The following ZNF677 variants were observed in gnomAD, a reference collection of about 807,000 sequenced individuals.
ZNF677 encodes the protein zinc finger protein 677, also known as hypothetical protein MGC48625.
In ZNF677, 5 loss-of-function variants were observed where a neutral mutation model predicts 8.1. The observed-to-expected ratio is 0.62, with a 90% CI of 0.32 to 1.29. ZNF677 has a LOEUF of 1.29. Ranked by LOEUF, ZNF677 falls within the 50% of genes most tolerant of loss-of-function variation. The pLI, the probability that ZNF677 is intolerant of heterozygous loss-of-function variation, is 0.05. For missense variants in ZNF677, 685 were observed against 685.9 expected (o/e 1.00, Z 0.01); for synonymous variants, 221 against 225.6 (o/e 0.98, Z 0.18).
At chr19:53,242,231 C>A in intron 4 of ZNF677, 1 of 398,264 alleles carries the variant, frequency 2.5e-6, no homozygotes, top group South Asian at 1.3e-4. Flanking sequence ...CACGCCCATC[C>A]GGAATGTGTA....
rs1469671836 is a variant in ZNF677 at position 53,235,506 on chromosome 19, C to G, written c.*1466G>C. 6.6e-6 allele frequency: 1 copy of G among 152,198 alleles called. No homozygotes were observed. Among genetic ancestry groups the G allele is most frequent in the Non-Finnish European group, 1.5e-5 (1 of 68,020 alleles). The allele number at this position is 152,198 out of a possible 1,614,324, so 9.4% of individuals were successfully genotyped here. A position where few individuals can be genotyped will look rare whatever the true frequency, so the allele number is the denominator to read the frequency against. ...GTGAATCCCCTATAAGAACACTACTCTGGTTCTTTTGATGGAACTGTCCTC... is the reference window on the plus strand; with the variant it reads ...GTGAATCCCCTATAAGAACACTACTGTGGTTCTTTTGATGGAACTGTCCTC... On this transcript the variant is annotated 3_prime_UTR_variant, in exon 5 of 5. Coordinates refer to ENST00000598513, the MANE Select transcript of ZNF677 (RefSeq NM_182609.4).
Position 53,244,487 on chromosome 19 carries a change from C to T in ZNF677, c.16-590G>A, listed in dbSNP as rs191263901. Reference sequence around the variant, plus strand: ...TTTTTATCAACTCCAAAAGAAATGCCGTACCCATTAAGCAGTCACTCCCCA... The same window carrying T: ...TTTTTATCAACTCCAAAAGAAATGCTGTACCCATTAAGCAGTCACTCCCCA... On this transcript the variant is annotated intron_variant, in intron 3 of 4. Coordinates refer to ENST00000598513, the MANE Select transcript of ZNF677 (RefSeq NM_182609.4). 1.7e-3 allele frequency among the ~76,000 whole-genome samples: 253 copies of T among 152,268 alleles called. 1 individual carries two copies. Among genetic ancestry groups the T allele is most frequent in the Non-Finnish European group, 3.3e-3 (223 of 68,020 alleles).
intron 2 of ZNF677, among the ~76,000 whole-genome samples, chr19:53,251,894 A>G (rs2091240138): frequency 6.6e-6 from 1 of 152,232 alleles, no homozygotes; most frequent in Admixed American, 6.5e-5. Context: ...TGTTGTGTCC[A>G]AGTTCATGGC....
chr19:53,251,718 T>C (rs1480026853), intron 2 of ZNF677, 113 bp from the exon 3 acceptor site: 4 of 681,412 alleles, frequency 5.9e-6, no homozygotes, highest in Non-Finnish European at 9.6e-6. Flanking sequence ...TAGCTTCCAA[T>C]TGCAACAAGA....
At position 53,237,595 on chromosome 19, in the gene ZNF677, T is replaced by C. The variant is rs770626831; in HGVS notation, c.1132A>G (p.Asn378Asp). 1.2e-6 allele frequency: 2 copies of C among 1,613,872 alleles called. No homozygotes were observed. The highest frequency in any genetic ancestry group is 8.5e-7 in the Non-Finnish European group (1 of 1,179,878). The change falls in exon 5 of 5, where the codon AAT (asparagine) becomes GAT (aspartate). Residue 378 changes from asparagine to aspartate, a missense_variant. Asn to Asp is a conservative substitution (Grantham distance 23). Coordinates refer to ENST00000598513, the MANE Select transcript of ZNF677 (RefSeq NM_182609.4). Reference sequence around the variant, plus strand: ...TCAGCAAAGGCTTTGTCACATTCATTACATTTGTAAGGTTTCTCTCCAGTA... The same window carrying C: ...TCAGCAAAGGCTTTGTCACATTCATCACATTTGTAAGGTTTCTCTCCAGTA... ...IHTGEKPYKC[N>D]ECDKAFAERS...
At chr19:53,244,116 C>T (rs2091099531) in intron 3 of ZNF677, 2 of 491,266 alleles carry the variant, frequency 4.1e-6, no homozygotes, top group African/African-American at 4.0e-5. Context: ...AATTTCAGCA[C>T]CTTGAGAGGC....
intron 2 of ZNF677, 149 bp from the exon 3 acceptor site, chr19:53,251,754 T>A (rs28676766): frequency 0.25 from 146,526 of 588,880 alleles, 20,407 homozygotes; most frequent in African/African-American, 0.42. Context: ...TGAAAAAAAT[T>A]AACTCCTAAA....
At chr19:53,246,487 TACACACACACACACACACACACACACAC>T (rs60644090) in intron 3 of ZNF677, among the ~76,000 whole-genome samples, 8 of 140,262 alleles carry the variant, frequency 5.7e-5, no homozygotes, top group Admixed American at 5.0e-4. Context: ...AAAGAAAATG[TACACACACACACACACACACACACACAC>T]ACACACACAC....
chr19:53,243,353 CA>C (rs10706695), intron 4 of ZNF677: 191,052 of 272,820 alleles, frequency 0.7, 67,682 homozygotes, highest in East Asian at 0.8. Context: ...CATGGGTCTG[CA>C]AAACTATTTC....
chr19:53,251,744 T>G, intron 2 of ZNF677, 139 bp from the exon 3 acceptor site: 1 of 606,362 alleles, frequency 1.6e-6, no homozygotes, highest in Middle Eastern at 2.6e-4. Flanking sequence ...AATAAACTCA[T>G]GAAAAAAATT....
At chr19:53,250,715 T>G (rs117149948) in intron 3 of ZNF677, among the ~76,000 whole-genome samples, 142 of 152,236 alleles carry the variant, frequency 9.3e-4, no homozygotes, top group Non-Finnish European at 1.6e-3. Flanking sequence ...AAATAACTAA[T>G]GGGTACGAGG....
intron 4 of ZNF677, chr19:53,240,201 A>G (rs2091027369): frequency 6.6e-6 from 1 of 152,132 alleles, no homozygotes; most frequent in Non-Finnish European, 1.5e-5. Context: ...TCTGTGCTAA[A>G]AAGAAATGAG....
At position 53,237,676 on chromosome 19, in the gene ZNF677, C is replaced by G; in HGVS notation, c.1051G>C (p.Glu351Gln). 2.5e-6 allele frequency: 4 copies of G among 1,612,844 alleles called. No individual in the cohort carries two copies. The highest frequency in any genetic ancestry group is 3.4e-6 in the Non-Finnish European group (4 of 1,179,442). ...HTGEKPYKCN[E>Q]CGKAFIQRSH... Reference sequence around the variant, plus strand: ...CGCTGGATAAATGCCTTACCACATTCATTACATTTGTAAGGTTTCTCTCCA... The same window carrying G: ...CGCTGGATAAATGCCTTACCACATTGATTACATTTGTAAGGTTTCTCTCCA... Residue 351 changes from glutamate (E) to glutamine (Q), a missense_variant, in exon 5 of 5, where the codon GAA (glutamate) becomes CAA (glutamine). Physicochemically the swap from Glu to Gln is conservative, Grantham distance 29. Coordinates refer to ENST00000598513, the MANE Select transcript of ZNF677 (RefSeq NM_182609.4).
At chr19:53,247,936 C>A (rs567634412) in intron 3 of ZNF677, among the ~76,000 whole-genome samples, 12 of 152,060 alleles carry the variant, frequency 7.9e-5, no homozygotes, top group African/African-American at 2.9e-4. Context: ...CCAATAAGTG[C>A]CTTTTAAAGG....
intron 3 of ZNF677, among the ~76,000 whole-genome samples, chr19:53,245,654 T>C (rs2091124269): frequency 6.6e-6 from 1 of 152,110 alleles, no homozygotes; most frequent in African/African-American, 2.4e-5. Context: ...AAGGGAACTG[T>C]TGTACAATGT....
intron 1 of ZNF677, 126 bp from the exon 2 acceptor site, chr19:53,253,282 AAACT>A (rs1208595236): frequency 1.3e-5 from 2 of 152,220 alleles, no homozygotes; most frequent in African/African-American, 4.8e-5. Context: ...CAACTGTATT[AAACT>A]AACTGGTTAA....
intron 2 of ZNF677, among the ~76,000 whole-genome samples, chr19:53,251,924 G>A (rs565702943): frequency 3.8e-4 from 58 of 152,290 alleles, no homozygotes; most frequent in African/African-American, 1.3e-3. Context: ...ATGACTGTCA[G>A]TCAATGCAGG....
chr19:53,237,700 C>T lies in ZNF677; in HGVS notation c.1027G>A (p.Gly343Arg). Reference protein sequence around the residue: ...NLASHQRMHTGEKPYKCNECG... With the variant: ...NLASHQRMHTREKPYKCNECG... ...TCATTACATTTGTAAGGTTTCTCTC[C>T]AGTATGCATCCTCTGATGACTTGCA... The change falls in exon 5 of 5, where the codon GGA (glycine) becomes AGA (arginine). Residue 343 changes from glycine (G) to arginine (R), a missense_variant. Gly to Arg is a moderately radical substitution (Grantham distance 125, BLOSUM62 -2). Coordinates refer to ENST00000598513, the MANE Select transcript of ZNF677 (RefSeq NM_182609.4). The T allele has an allele frequency of 6.2e-7, 1 of 1,613,510 alleles. No homozygotes were observed. Among genetic ancestry groups the T allele is most frequent in the Non-Finnish European group, 8.5e-7 (1 of 1,179,738 alleles).
At chr19:53,242,341 G>A in intron 4 of ZNF677, 1 of 398,660 alleles carries the variant, frequency 2.5e-6, no homozygotes, top group Non-Finnish European at 4.4e-6. Flanking sequence ...CTAGAAAAGG[G>A]AGAGAAATAA....
Sources: gnomAD v4.1 joint callset for allele counts (sites outside exome capture counted in the v4.1 genomes callset) on GRCh38, gnomAD v4.1.1 for gene constraint, MANE v1.5 for transcripts, NCBI Gene and HGNC (gene_info 2026-07-23, HGNC 2026-07-21) for gene names.